Variants in SAMD13 observed in about 807,000 individuals in gnomAD.
SAMD13 encodes the protein sterile alpha motif domain-containing protein 13.
In SAMD13, 9 loss-of-function variants were observed where a neutral mutation model predicts 12.4. The ratio of observed to expected loss-of-function variants is 0.72; its 90% confidence interval spans 0.44 to 1.26. SAMD13 has a LOEUF of 1.26. Ranked by LOEUF, SAMD13 falls within the 50% of genes most tolerant of loss-of-function variation. The pLI is 0.00. For missense variants in SAMD13, 84 were observed against 119.6 expected (o/e 0.70, Z 1.39); for synonymous variants, 46 against 45.4 (o/e 1.01, Z -0.05).
At position 84,325,825 on chromosome 1, in the gene SAMD13, G is replaced by A. The variant is rs1253350715; in HGVS notation, c.165+77G>A. The A allele has an allele frequency of 1.5e-5, 13 of 868,370 alleles. No individual in the cohort carries two copies. In the Admixed American group the frequency reaches 2.5e-4, roughly 17 times the overall value. The allele number at this position is 868,370 out of a possible 1,614,324, so 53.8% of individuals were successfully genotyped here. A position where few individuals can be genotyped will look rare whatever the true frequency, so the allele number is the denominator to read the frequency against. On this transcript the variant is annotated intron_variant, in intron 3 of 3. Coordinates refer to ENST00000394834, the MANE Select transcript of SAMD13 (RefSeq NM_001134663.2). ...CCTCCCTTCCCAACAGTGGGCAGAAGGGAGTGAGGAGGAAGAGGACCAAAG... is the reference window on the plus strand; with the variant it reads ...CCTCCCTTCCCAACAGTGGGCAGAAAGGAGTGAGGAGGAAGAGGACCAAAG...
upstream of SAMD13, chr1:84,298,716 C>T: frequency 1.3e-6 from 1 of 749,484 alleles, no homozygotes; most frequent in Non-Finnish European, 1.8e-6. Flanking sequence ...TCCTGCAGCT[C>T]GTTGCACCCA....
upstream of SAMD13, among the ~76,000 whole-genome samples, chr1:84,298,777 C>T (rs1678371140): frequency 6.6e-6 from 1 of 152,154 alleles, no homozygotes. Flanking sequence ...GCGTGCCCTG[C>T]CCCACGGAGA....
chr1:84,322,494 G>A (rs1397795068), intron 2 of SAMD13, among the ~76,000 whole-genome samples: 1 of 152,164 alleles, frequency 6.6e-6, no homozygotes, highest in Admixed American at 6.6e-5. Context: ...AGTTGTAAGT[G>A]CTCTCTGGTT....
At chr1:84,298,582 T>C (rs1678364880), upstream of SAMD13, 2 of 1,285,708 alleles carry the variant, frequency 1.6e-6, no homozygotes, top group African/African-American at 1.5e-5. Flanking sequence ...GTGATCTGCC[T>C]GTGCGCCCAG....
intron 2 of SAMD13, among the ~76,000 whole-genome samples, chr1:84,307,887 C>A (rs1306055300): frequency 2.6e-5 from 4 of 152,266 alleles, no homozygotes; most frequent in South Asian, 4.1e-4. Flanking sequence ...GCATCGTCTC[C>A]AAGACTCATT....
intron 3 of SAMD13, among the ~76,000 whole-genome samples, chr1:84,336,477 A>C (rs1218626403): frequency 6.6e-6 from 1 of 152,154 alleles, no homozygotes; most frequent in African/African-American, 2.4e-5. Context: ...GCAGGCAAAA[A>C]GAGAGAGAGC....
In SAMD13 at chr1:84,331,354, A is replaced by AAAAAAAAAAAAAATAC. The variant is rs553761794; in HGVS notation, c.165+5610_165+5611insAAAAAAAAATACAAAA. On this transcript the variant is annotated intron_variant, in intron 3 of 3. Transcript: ENST00000394834. ...AAAAAAAAAAAAAAAAAAAAAAAAA[A>AAAAAAAAAAAAAATAC]AAAATTATGGATACAAACTTGTTAA... 3.8e-3 allele frequency among the ~76,000 whole-genome samples: 312 copies of AAAAAAAAAAAAAATAC among 82,456 alleles called. 80 individuals carry two copies. The highest frequency in any genetic ancestry group is 4.7e-3 in the Admixed American group (29 of 6,150). 54.1% of individuals were successfully genotyped at this position (82,456 alleles called of 152,430 possible).
At chr1:84,332,313 T>A (rs773014402) in intron 3 of SAMD13, among the ~76,000 whole-genome samples, 2 of 152,138 alleles carry the variant, frequency 1.3e-5, no homozygotes, top group African/African-American at 2.4e-5. Context: ...TCACCAAACT[T>A]CTCTCCACAA....
chr1:84,299,192 G>T (rs935790699), upstream of SAMD13, among the ~76,000 whole-genome samples: 1 of 152,160 alleles, frequency 6.6e-6, no homozygotes, highest in South Asian at 2.1e-4. Flanking sequence ...AGGGCCGGCG[G>T]CTCCTTTGGG....
chr1:84,337,016 C>G (rs1447638592), intron 3 of SAMD13, among the ~76,000 whole-genome samples: 2 of 152,206 alleles, frequency 1.3e-5, no homozygotes. Flanking sequence ...TGTCTCAAAT[C>G]CAGGTCATGC....
At chr1:84,328,774 G>A (rs185413547) in intron 3 of SAMD13, among the ~76,000 whole-genome samples, 8 of 152,134 alleles carry the variant, frequency 5.3e-5, no homozygotes, top group Non-Finnish European at 7.4e-5. Context: ...CCAAGCACAT[G>A]GCCCTTCCAA....
At position 84,340,599 on chromosome 1, in the gene SAMD13, A is replaced by G. The variant is rs1042148709; in HGVS notation, c.166-9032A>G. ...ATTTTATCCCAATAAAGTTTTTAAA[A>G]TGTAATGCCAGCCATAATATATGTC... On this transcript the variant is annotated intron_variant, in intron 3 of 3. Transcript: ENST00000394834. 8.5e-5 allele frequency among the ~76,000 whole-genome samples: 13 copies of G among 152,352 alleles called. 1 individual carries two copies. Among genetic ancestry groups the G allele is most frequent in the African/African-American group, 2.9e-4 (12 of 41,582 alleles).
chr1:84,307,050 G>A (rs1475151438), intron 2 of SAMD13, among the ~76,000 whole-genome samples: 2 of 151,942 alleles, frequency 1.3e-5, no homozygotes, highest in African/African-American at 2.4e-5. Flanking sequence ...TGTGCTTTGT[G>A]TTTGTTTGGT....
intron 1 of SAMD13, chr1:84,302,576 A>ACACC: frequency 1.5e-6 from 1 of 661,656 alleles, no homozygotes; most frequent in South Asian, 6.7e-5. Context: ...ACACACACAC[A>ACACC]CCAGCACCAC....
chr1:84,341,855 G>T (rs999725689), intron 3 of SAMD13, among the ~76,000 whole-genome samples: 14 of 152,080 alleles, frequency 9.2e-5, no homozygotes, highest in Non-Finnish European at 1.8e-4. Context: ...TTGTAGAAAT[G>T]GTTGGTGTAT....
chr1:84,328,068 C>G (rs906988026), intron 3 of SAMD13, among the ~76,000 whole-genome samples: 1 of 152,138 alleles, frequency 6.6e-6, no homozygotes, highest in Non-Finnish European at 1.5e-5. Context: ...GGCCAGATTC[C>G]CAGCTGACCA....
chr1:84,326,697 G>T (rs909682862), intron 3 of SAMD13, among the ~76,000 whole-genome samples: 3 of 152,164 alleles, frequency 2.0e-5, no homozygotes, highest in Admixed American at 2.0e-4. Context: ...TCATAATATT[G>T]TAGGGAGAAT....
intron 3 of SAMD13, among the ~76,000 whole-genome samples, chr1:84,346,005 T>G (rs923472726): frequency 6.6e-6 from 1 of 152,114 alleles, no homozygotes; most frequent in Non-Finnish European, 1.5e-5. Flanking sequence ...TACTCAGCTT[T>G]TATATGCTTT....
chr1:84,314,273 C>T (rs1357605162), intron 2 of SAMD13, among the ~76,000 whole-genome samples: 5 of 152,086 alleles, frequency 3.3e-5, no homozygotes, highest in African/African-American at 1.2e-4. Context: ...CCTTGGGAAG[C>T]AGTCACATCT....
Sources: gnomAD v4.1 joint callset for allele counts (sites outside exome capture counted in the v4.1 genomes callset) on GRCh38, gnomAD v4.1.1 for gene constraint, MANE v1.5 for transcripts, NCBI Gene and HGNC (gene_info 2026-07-23, HGNC 2026-07-21) for gene names.